Variants in TMED8 observed in about 807,000 individuals in gnomAD.
TMED8 encodes protein TMED8.
Under a neutral mutation model 32.7 loss-of-function variants are expected in TMED8, and 15 were observed. The ratio of observed to expected loss-of-function variants is 0.46; its 90% CI spans 0.31 to 0.71. The LOEUF (loss-of-function observed/expected upper bound fraction) is 0.71. TMED8 is among the 30% of genes least tolerant of loss of function. The pLI is 0.06. For missense variants in TMED8, 390 were observed against 423.9 expected, an observed-to-expected ratio of 0.92 and a Z score of 0.70; for synonymous variants, 147 against 161.4, an observed-to-expected ratio of 0.91 and a Z score of 0.68.
chr14:77,374,417 C>CT (rs1048577616), intron 1 of TMED8, among the ~76,000 whole-genome samples: 19 of 152,250 alleles, frequency 1.2e-4, no homozygotes, highest in African/African-American at 4.6e-4. Flanking sequence ...GGGGATTGCC[C>CT]TGTGCCTTGC....
chr14:77,358,686 A>G (rs987551805), intron 1 of TMED8, among the ~76,000 whole-genome samples: 2 of 152,226 alleles, frequency 1.3e-5, no homozygotes, highest in Non-Finnish European at 2.9e-5. Flanking sequence ...TAATATTCAC[A>G]TATATACATA....
chr14:77,369,023 T>A (rs139676652), intron 1 of TMED8, among the ~76,000 whole-genome samples: 166 of 152,334 alleles, frequency 1.1e-3, no homozygotes, highest in African/African-American at 3.7e-3. Flanking sequence ...GGTGCTTATG[T>A]ACTACCTTTC....
rs990019164 is a variant in TMED8 at position 77,356,265 on chromosome 14, T to C, written c.119-4514A>G. On this transcript the variant is annotated intron_variant, in intron 1 of 5. Transcript: ENST00000216468. ...CCTGCATACCTACTAACTAGGTGAA[T>C]TATTAGTACTTTAGAATTCCCCTAC... Among the ~76,000 whole-genome samples, 10 of 152,330 alleles carry C rather than the reference T, an allele frequency of 6.6e-5. 1 individual carries two copies. In the South Asian group the frequency reaches 1.7e-3, roughly 25 times the overall value.
In TMED8 at chr14:77,337,832, G is replaced by C. The variant is rs534800277; in HGVS notation, c.*3939C>G. On this transcript the variant is annotated 3_prime_UTR_variant, in exon 6 of 6. Transcript: ENST00000216468. The stretch of plus-strand genomic sequence containing the variant: ...TCTCTAATTGGACACTTGTCAAAAG[G>C]AACAGAATGTTAGAATCATCTTTGC... 1 of 152,206 alleles carries C rather than the reference G, an allele frequency of 6.6e-6. No individual in the cohort carries two copies. The highest frequency in any genetic ancestry group is 1.5e-5 in the Non-Finnish European group (1 of 68,052). The allele number at this position is 152,206 out of a possible 1,614,324, so 9.4% of individuals were successfully genotyped here.
intron 2 of TMED8, among the ~76,000 whole-genome samples, chr14:77,350,365 G>C (rs1039958288): frequency 2.6e-5 from 4 of 151,956 alleles, no homozygotes; most frequent in African/African-American, 7.3e-5. Flanking sequence ...GTTCATTTGT[G>C]GTTTCTTTAG....
intron 1 of TMED8, among the ~76,000 whole-genome samples, chr14:77,371,966 T>C (rs1266612366): frequency 6.6e-6 from 1 of 152,178 alleles, no homozygotes; most frequent in African/African-American, 2.4e-5. Context: ...ATCGTAGGTA[T>C]TATTTAGAAT....
chr14:77,350,182 G>C (rs1893146801), intron 2 of TMED8, among the ~76,000 whole-genome samples: 1 of 151,926 alleles, frequency 6.6e-6, no homozygotes, highest in Admixed American at 6.6e-5. Context: ...GTTGCATATG[G>C]GGGGTCTATT....
chr14:77,345,804 T>C (rs1354425816), intron 3 of TMED8, among the ~76,000 whole-genome samples: 1 of 151,880 alleles, frequency 6.6e-6, no homozygotes, highest in Non-Finnish European at 1.5e-5. Flanking sequence ...GCCCTGCCTC[T>C]ACTAAAAATA....
In TMED8 at chr14:77,372,945, TATATATA is replaced by T. The variant is rs1206127093; in HGVS notation, c.118+3984_118+3990del. Among the ~76,000 whole-genome samples, 62 of 27,376 alleles carry T rather than the reference TATATATA, an allele frequency of 2.3e-3. 2 individuals carry two copies. The highest frequency in any genetic ancestry group is 0.014 in the Middle Eastern group (1 of 72). 18.0% of individuals were successfully genotyped at this position (27,376 alleles called of 152,430 possible). ...ATATATATATATATATATATATATA[TATATATA>T]TTTTTTTTTTTTTTTTTTTTTTTTT... On this transcript the variant is annotated intron_variant, in intron 1 of 5. Transcript: ENST00000216468.
intron 1 of TMED8, among the ~76,000 whole-genome samples, chr14:77,371,114 C>T (rs1893669798): frequency 6.6e-6 from 1 of 152,036 alleles, no homozygotes; most frequent in African/African-American, 2.4e-5. Flanking sequence ...AATGTATTAC[C>T]ATTACAAACA....
chr14:77,363,318 A>G (rs530926522), intron 1 of TMED8, among the ~76,000 whole-genome samples: 2 of 152,330 alleles, frequency 1.3e-5, no homozygotes, highest in South Asian at 4.1e-4. Flanking sequence ...TCAGGGAAAA[A>G]TCACAAAGAT....
intron 4 of TMED8, 66 bp downstream of exon 4, chr14:77,343,630 TG>T: frequency 1.3e-6 from 2 of 1,598,546 alleles, no homozygotes; most frequent in Non-Finnish European, 1.7e-6. Context: ...TCCATTTGTC[TG>T]TCTGCCTGCC....
intron 2 of TMED8, among the ~76,000 whole-genome samples, chr14:77,348,941 T>C (rs531286059): frequency 1.3e-5 from 2 of 152,260 alleles, no homozygotes; most frequent in Admixed American, 6.5e-5. Flanking sequence ...TGTGGGTCTA[T>C]TTTAATGCTC....
rs1892901367 is a variant in TMED8, at chr14:77,341,640, G to T, written c.*131C>A. 2 of 861,196 alleles carry T rather than the reference G, an allele frequency of 2.3e-6. No homozygotes were observed. The highest frequency in any genetic ancestry group is 2.4e-5 in the Admixed American group (1 of 41,050). 53.3% of individuals were successfully genotyped at this position (861,196 alleles called of 1,614,324 possible). A position where few individuals can be genotyped will look rare whatever the true frequency, so the allele number is the denominator to read the frequency against. ...AAAAGCTACGTGGGCCAACAGTCAG[G>T]CATGCCAGACAGGGTGTGAGGCTCA... On this transcript the variant is annotated 3_prime_UTR_variant, in exon 6 of 6. Transcript: ENST00000216468.
At chr14:77,367,621 G>A (rs1395488304) in intron 1 of TMED8, among the ~76,000 whole-genome samples, 1 of 151,774 alleles carries the variant, frequency 6.6e-6, no homozygotes, top group East Asian at 1.9e-4. Context: ...TCATTATTTT[G>A]ATTGATGCAT....
chr14:77,365,307 G>A (rs1400891746), intron 1 of TMED8, among the ~76,000 whole-genome samples: 1 of 152,142 alleles, frequency 6.6e-6, no homozygotes, highest in Non-Finnish European at 1.5e-5. Context: ...GTGCCCTCAA[G>A]GAACTCAGCC....
chr14:77,341,683 T>C lies in TMED8; in HGVS notation c.*88A>G. 7.4e-7 allele frequency: 1 copy of C among 1,343,560 alleles called. No individual in the cohort carries two copies. Among genetic ancestry groups the C allele is most frequent in the Non-Finnish European group, 1.1e-6 (1 of 947,340 alleles). 83.2% of individuals were successfully genotyped at this position (1,343,560 alleles called of 1,614,324 possible). A position where few individuals can be genotyped will look rare whatever the true frequency, so the allele number is the denominator to read the frequency against. ...GAGGCTCAGCAGCCCCCCATGAACC[T>C]TTGGCTCTTGCCTATCCCAAACAAG... On this transcript the variant is annotated 3_prime_UTR_variant, in exon 6 of 6. Coordinates refer to ENST00000216468, the MANE Select transcript of TMED8 (RefSeq NM_213601.3).
rs1892876816 is a variant in TMED8, at chr14:77,340,748, A to G, written c.*1023T>C. ...GAACACCAAAAGCTTTAAGCCCTCA[A>G]TGCAAGAAAGCTAAATGCAGAAACT... On this transcript the variant is annotated 3_prime_UTR_variant, in exon 6 of 6. Transcript: ENST00000216468. The G allele has an allele frequency of 6.6e-6, 1 of 152,240 alleles. No individual in the cohort carries two copies. 9.4% of individuals were successfully genotyped at this position (152,240 alleles called of 1,614,324 possible).
intron 1 of TMED8, among the ~76,000 whole-genome samples, chr14:77,366,591 GGATA>G (rs1361829643): frequency 6.6e-6 from 1 of 152,114 alleles, no homozygotes; most frequent in East Asian, 1.9e-4. Context: ...AAAAATTCCT[GGATA>G]GAATTTCACT....
Sources: allele counts gnomAD v4.1 joint callset (sites outside exome capture counted in the v4.1 genomes callset), GRCh38; gene constraint gnomAD v4.1.1; transcripts MANE v1.5; gene names NCBI Gene and HGNC (gene_info 2026-07-23, HGNC 2026-07-21).